Variants in IL1RAPL2 observed in about 807,000 individuals in gnomAD.
The protein encoded by IL1RAPL2 is interleukin 1 receptor accessory protein like 2.
A neutral mutation model predicts 44.1 loss-of-function variants in IL1RAPL2; 3 were observed. The observed-to-expected ratio is 0.07, with a 90% confidence interval of 0.03 to 0.18. The LOEUF is 0.18. Among genes scored for constraint, IL1RAPL2 ranks in the 10% least tolerant of loss-of-function variants. The probability of loss-of-function intolerance (pLI) is 1.00; values close to 1 mark genes in which losing one functional copy is unlikely to be tolerated. For synonymous variants in IL1RAPL2, 181 were observed against 178.8 expected, an observed-to-expected ratio of 1.01 and a Z score of -0.10; for missense variants, 391 against 496.4, an observed-to-expected ratio of 0.79 and a Z score of 2.02.
At chrX:105,244,117 T>C (rs1462475331) in intron 4 of IL1RAPL2, among the ~76,000 whole-genome samples, 1 of 111,059 alleles carries the variant, frequency 9.0e-6, no homozygotes, top group Non-Finnish European at 1.9e-5. Context: ...AACTTATCTT[T>C]AGTGAGATTT....
intron 2 of IL1RAPL2, among the ~76,000 whole-genome samples, chrX:104,887,462 G>A (rs944596038): frequency 8.9e-6 from 1 of 112,069 alleles, no homozygotes; most frequent in Non-Finnish European, 1.9e-5. Context: ...CTGTTTAAGA[G>A]TAGTTGCAGC....
At chrX:105,627,959 T>C (rs184072973) in intron 6 of IL1RAPL2, among the ~76,000 whole-genome samples, 92 of 111,716 alleles carry the variant, frequency 8.2e-4, no homozygotes, top group African/African-American at 2.9e-3. Context: ...AAGTTTACTT[T>C]CTCTGTTCAG....
intron 6 of IL1RAPL2, among the ~76,000 whole-genome samples, chrX:105,542,758 G>T (rs2036754587): frequency 1.1e-5 from 1 of 94,182 alleles, no homozygotes; most frequent in Admixed American, 1.3e-4. Flanking sequence ...TTTTGAGACG[G>T]AGTCTCGCTC....
chrX:105,743,004 C>G (rs2038512984), intron 8 of IL1RAPL2, among the ~76,000 whole-genome samples: 1 of 111,172 alleles, frequency 9.0e-6, no homozygotes, highest in Non-Finnish European at 1.9e-5. Flanking sequence ...ACTAGCAAAT[C>G]CCATGGCTTA....
At chrX:105,684,231 C>T (rs2037949854) in intron 6 of IL1RAPL2, among the ~76,000 whole-genome samples, 1 of 112,210 alleles carries the variant, frequency 8.9e-6, no homozygotes, top group Non-Finnish European at 1.9e-5. Context: ...GGCGGGGCGT[C>T]GCCTCACCCG....
intron 5 of IL1RAPL2, among the ~76,000 whole-genome samples, chrX:105,293,676 A>C (rs73636214): frequency 2.0e-3 from 228 of 111,922 alleles, no homozygotes; most frequent in African/African-American, 7.1e-3. Flanking sequence ...TTTGTAAACC[A>C]TATGTTTTCA....
chrX:105,358,413 C>T (rs1180104075), intron 5 of IL1RAPL2, among the ~76,000 whole-genome samples: 9 of 107,297 alleles, frequency 8.4e-5, no homozygotes, highest in African/African-American at 2.7e-4. Context: ...CAGTGGCTCA[C>T]GCCTGTAATC....
At position 104,824,792 on chromosome X, in the gene IL1RAPL2, T is replaced by C. The variant is rs911355468; in HGVS notation, c.82+165797T>C. ...TCTTCTCTCTTTTCTTCTTTATTAG[T>C]CTGGCTAGTGGTCTATTTTGTTAAT... On this transcript the variant is annotated intron_variant, in intron 2 of 10. Transcript: ENST00000372582. Among the ~76,000 whole-genome samples the C allele has an allele frequency of 1.4e-3, 161 of 111,882 alleles. 1 individual carries two copies. The highest frequency in any genetic ancestry group is 4.8e-3 in the African/African-American group (149 of 30,793).
chrX:105,197,235 T>C (rs1422698040), intron 3 of IL1RAPL2, among the ~76,000 whole-genome samples: 11 of 110,618 alleles, frequency 9.9e-5, no homozygotes, highest in Non-Finnish European at 1.7e-4. Context: ...CTTGGCAAAA[T>C]TGAGAAGCAG....
chrX:105,080,957 G>C (rs1259154756), intron 2 of IL1RAPL2, among the ~76,000 whole-genome samples: 1 of 111,138 alleles, frequency 9.0e-6, no homozygotes, highest in African/African-American at 3.3e-5. Context: ...GTATTCCTAG[G>C]TATTTTATTC....
At chrX:105,541,906 A>T (rs5916923) in intron 6 of IL1RAPL2, among the ~76,000 whole-genome samples, 1 of 109,110 alleles carries the variant, frequency 9.2e-6, no homozygotes, top group Non-Finnish European at 1.9e-5. Flanking sequence ...CATTCCCACC[A>T]CCCCCACACC....
intron 6 of IL1RAPL2, among the ~76,000 whole-genome samples, chrX:105,538,199 G>T (rs1184436906): frequency 9.2e-6 from 1 of 108,554 alleles, no homozygotes; most frequent in Non-Finnish European, 1.9e-5. Context: ...ACCACGCCCG[G>T]CTAATTTTTT....
intron 2 of IL1RAPL2, among the ~76,000 whole-genome samples, chrX:104,833,225 A>C (rs1921657472): frequency 9.0e-6 from 1 of 110,861 alleles, no homozygotes; most frequent in South Asian, 3.8e-4. Flanking sequence ...TTGCAGCCTC[A>C]ATCTCCTGGG....
intron 5 of IL1RAPL2, among the ~76,000 whole-genome samples, chrX:105,272,658 A>G (rs1342129146): frequency 8.9e-6 from 1 of 112,651 alleles, no homozygotes; most frequent in Non-Finnish European, 1.9e-5. Context: ...ATTACTATTC[A>G]GCAATAGTAG....
intron 2 of IL1RAPL2, among the ~76,000 whole-genome samples, chrX:104,958,417 C>T (rs1280180947): frequency 9.3e-6 from 1 of 107,111 alleles, no homozygotes; most frequent in Non-Finnish European, 1.9e-5. Flanking sequence ...GAATATTAAG[C>T]TCCAGAGGCC....
chrX:105,342,165 G>T (rs1426905784), intron 5 of IL1RAPL2, among the ~76,000 whole-genome samples: 2 of 86,965 alleles, frequency 2.3e-5, no homozygotes, highest in South Asian at 1.0e-3. Context: ...GTTGTGGGGT[G>T]GGGGGAGGGG....
intron 2 of IL1RAPL2, among the ~76,000 whole-genome samples, chrX:104,806,744 G>C (rs1438582810): frequency 8.9e-6 from 1 of 112,131 alleles, no homozygotes; most frequent in Non-Finnish European, 1.9e-5. Flanking sequence ...GGCTGCTGCT[G>C]CTGAGGTTGG....
At chrX:105,470,299 T>C (rs886935227) in intron 5 of IL1RAPL2, among the ~76,000 whole-genome samples, 14 of 111,842 alleles carry the variant, frequency 1.3e-4, no homozygotes, top group African/African-American at 4.2e-4. Context: ...CATTTTGAAG[T>C]TGAGGAACCT....
intron 5 of IL1RAPL2, among the ~76,000 whole-genome samples, chrX:105,414,449 G>A (rs1439650432): frequency 1.8e-5 from 2 of 111,653 alleles, no homozygotes; most frequent in Admixed American, 9.5e-5. Context: ...TCTTATTAAA[G>A]GCCTTCAATG....
Sources: allele counts gnomAD v4.1 joint callset (sites outside exome capture counted in the v4.1 genomes callset), GRCh38; gene constraint gnomAD v4.1.1; transcripts MANE v1.5; gene names NCBI Gene and HGNC (gene_info 2026-07-23, HGNC 2026-07-21).